The following ZC3H12B variants were observed in gnomAD, a reference collection of about 807,000 sequenced individuals.
The protein encoded by ZC3H12B is probable ribonuclease ZC3H12B.
A neutral mutation model predicts 43.9 loss-of-function variants in ZC3H12B; 7 were observed. The observed-to-expected ratio is 0.16, with a 90% CI of 0.09 to 0.30. The LOEUF (loss-of-function observed/expected upper bound fraction) is 0.30, where lower values mean the gene tolerates loss of function less well. ZC3H12B is among the 10% of genes least tolerant of loss of function. The probability of loss-of-function intolerance (pLI) is 1.00; values close to 1 mark genes in which losing one functional copy is unlikely to be tolerated. For synonymous variants in ZC3H12B, 222 were observed against 241.7 expected, an observed-to-expected ratio of 0.92 and a Z score of 0.76; for missense variants, 475 against 670.2, an observed-to-expected ratio of 0.71 and a Z score of 3.22.
chrX:65,200,811 T>A, the ZC3H12B span, among the ~76,000 whole-genome samples: 1 of 111,303 alleles, frequency 9.0e-6, no homozygotes, highest in Non-Finnish European at 1.9e-5. Flanking sequence ...TTGTTTTTGT[T>A]GCAATTGCTT....
At chrX:65,356,953 G>A in the ZC3H12B span, 5 of 452,064 alleles carry the variant, frequency 1.1e-5, no homozygotes, top group African/African-American at 2.4e-5. Context: ...CTGTAAAACA[G>A]AGTTGATAGG....
the ZC3H12B span, among the ~76,000 whole-genome samples, chrX:65,240,970 C>T: frequency 1.8e-5 from 2 of 111,540 alleles, no homozygotes; most frequent in Non-Finnish European, 3.8e-5. Context: ...GTTGCCCAGA[C>T]GCTCCTGTAG....
At chrX:65,133,609 C>T in the ZC3H12B span, among the ~76,000 whole-genome samples, 14 of 111,140 alleles carry the variant, frequency 1.3e-4, no homozygotes, top group Non-Finnish European at 1.7e-4. Flanking sequence ...CAGCTAGTTT[C>T]GGAAAGAAAC....
At chrX:65,391,419 A>G (rs892864649) in intron 2 of ZC3H12B, among the ~76,000 whole-genome samples, 2 of 112,067 alleles carry the variant, frequency 1.8e-5, no homozygotes, top group African/African-American at 6.5e-5. Context: ...TTTGATTTTG[A>G]GAAAACTAAG....
upstream of ZC3H12B, among the ~76,000 whole-genome samples, chrX:65,363,428 G>T (rs752953239): frequency 2.7e-5 from 3 of 111,679 alleles, no homozygotes; most frequent in South Asian, 7.5e-4. Context: ...GGCATGGTTG[G>T]ATACTTTCAC....
At position 65,466,174 on chromosome X, in the gene ZC3H12B, C is replaced by A. The variant is rs1010504805; in HGVS notation, n.408-22472C>A. Among the ~76,000 whole-genome samples, 4 of 110,637 alleles carry A rather than the reference C, an allele frequency of 3.6e-5. No individual in the cohort carries two copies. The East Asian group carries it at 1.1e-3, about 31-fold the overall frequency. On this transcript the variant is annotated intron_variant and non_coding_transcript_variant, in intron 3 of 5. Transcript: ENST00000617377. ...TCCTCCCACATCTTCCTCTCTCCAG[C>A]CCCCAGTAACCACTCTTCTACTCTC...
At chrX:65,331,926 A>G in the ZC3H12B span, among the ~76,000 whole-genome samples, 65 of 110,976 alleles carry the variant, frequency 5.9e-4, no homozygotes, top group African/African-American at 2.0e-3. Context: ...ACCAGAGGTC[A>G]CTCTTGTTGC....
At chrX:65,296,790 C>G in the ZC3H12B span, among the ~76,000 whole-genome samples, 1 of 111,051 alleles carries the variant, frequency 9.0e-6, no homozygotes, top group African/African-American at 3.3e-5. Context: ...AACAGCATAT[C>G]AAAAAGATAA....
At chrX:65,056,646 G>T in the ZC3H12B span, among the ~76,000 whole-genome samples, 1 of 111,299 alleles carries the variant, frequency 9.0e-6, no homozygotes, top group Non-Finnish European at 1.9e-5. Context: ...GGATATCGTT[G>T]TTAACTTTCT....
the ZC3H12B span, among the ~76,000 whole-genome samples, chrX:65,085,131 G>A: frequency 9.0e-6 from 1 of 111,537 alleles, no homozygotes; most frequent in Non-Finnish European, 1.9e-5. Flanking sequence ...GATGGGAGTG[G>A]GAAGGTGGAG....
chrX:65,404,652 A>G (rs779696611), intron 3 of ZC3H12B, among the ~76,000 whole-genome samples: 64 of 111,792 alleles, frequency 5.7e-4, no homozygotes, highest in African/African-American at 1.9e-3. Context: ...GTAAGAGGAT[A>G]TATCAATTTT....
intron 3 of ZC3H12B, among the ~76,000 whole-genome samples, chrX:65,445,897 C>G (rs1375186188): frequency 3.6e-5 from 4 of 112,055 alleles, no homozygotes; most frequent in Non-Finnish European, 7.5e-5. Flanking sequence ...CTTTCCTCTT[C>G]TTTCCTAGAG....
At chrX:65,246,839 G>T in the ZC3H12B span, among the ~76,000 whole-genome samples, 24 of 112,199 alleles carry the variant, frequency 2.1e-4, no homozygotes, top group African/African-American at 7.8e-4. Context: ...TCAGGACATA[G>T]ACACCGGCAA....
the ZC3H12B span, among the ~76,000 whole-genome samples, chrX:65,247,973 AAT>A: frequency 8.9e-6 from 1 of 112,367 alleles, no homozygotes; most frequent in South Asian, 3.6e-4. Flanking sequence ...CAAGTTTGAA[AAT>A]ATGTTTGAAA....
the ZC3H12B span, among the ~76,000 whole-genome samples, chrX:65,296,550 A>T: frequency 9.0e-6 from 1 of 111,407 alleles, no homozygotes; most frequent in African/African-American, 3.3e-5. Context: ...GACCAGAGAG[A>T]TTCACAGCTG....
At chrX:65,478,773 G>C (rs983432672) in intron 3 of ZC3H12B, among the ~76,000 whole-genome samples, 9 of 112,152 alleles carry the variant, frequency 8.0e-5, no homozygotes, top group African/African-American at 2.9e-4. Context: ...GTCAACCAAA[G>C]GTGAGGGATA....
At chrX:65,049,639 G>T in the ZC3H12B span, among the ~76,000 whole-genome samples, 1 of 111,317 alleles carries the variant, frequency 9.0e-6, no homozygotes, top group Admixed American at 9.5e-5. Context: ...TCTCAATATT[G>T]TTTTGGCTAT....
chrX:65,255,707 C>G, the ZC3H12B span, among the ~76,000 whole-genome samples: 2 of 112,146 alleles, frequency 1.8e-5, no homozygotes, highest in African/African-American at 6.5e-5. Flanking sequence ...AGAATGTAAA[C>G]AGGCTAAATG....
chrX:65,166,438 C>T, the ZC3H12B span, among the ~76,000 whole-genome samples: 1 of 111,916 alleles, frequency 8.9e-6, no homozygotes, highest in African/African-American at 3.2e-5. Context: ...TTAATCCAGT[C>T]TATCATTGAT....
Sources: allele counts gnomAD v4.1 joint callset (sites outside exome capture counted in the v4.1 genomes callset), GRCh38; gene constraint gnomAD v4.1.1; transcripts MANE v1.5; gene names NCBI Gene and HGNC (gene_info 2026-07-23, HGNC 2026-07-21).